NDFIP2: variants seen among roughly 807,000 people sequenced by gnomAD.
NDFIP2 encodes NEDD4 family-interacting protein 2.
Under a neutral mutation model 36.0 loss-of-function variants are expected in NDFIP2, and 19 were observed. That is an observed-to-expected ratio of 0.53 (90% CI 0.37 to 0.77). NDFIP2 has a LOEUF of 0.77. Among genes scored for constraint, NDFIP2 ranks in the 30% least tolerant of loss-of-function variants. The pLI, the probability that NDFIP2 is intolerant of heterozygous loss-of-function variation, is 0.00. For missense variants in NDFIP2, 446 were observed against 435.8 expected, an observed-to-expected ratio of 1.02 and a Z score of -0.21; for synonymous variants, 181 against 167.7, an observed-to-expected ratio of 1.08 and a Z score of -0.61.
At chr13:79,520,119 T>C (rs1874510882) in intron 1 of NDFIP2, among the ~76,000 whole-genome samples, 1 of 152,180 alleles carries the variant, frequency 6.6e-6, no homozygotes, top group African/African-American at 2.4e-5. Context: ...ATAATTTTTT[T>C]TGTACTTGGG....
chr13:79,527,836 G>T (rs1242483629), intron 2 of NDFIP2, among the ~76,000 whole-genome samples: 1 of 152,166 alleles, frequency 6.6e-6, no homozygotes, highest in Non-Finnish European at 1.5e-5. Context: ...TATCATAGGA[G>T]ATGACAGCTC....
intron 4 of NDFIP2, among the ~76,000 whole-genome samples, chr13:79,543,157 A>C (rs1423333051): frequency 6.6e-6 from 1 of 152,204 alleles, no homozygotes; most frequent in Non-Finnish European, 1.5e-5. Context: ...GATTACAGGC[A>C]TGAGCCACTG....
intron 2 of NDFIP2, among the ~76,000 whole-genome samples, chr13:79,532,775 G>A (rs769450298): frequency 7.2e-4 from 109 of 152,256 alleles, no homozygotes; most frequent in Non-Finnish European, 1.2e-3. Flanking sequence ...TGTTATCGGA[G>A]CAAAGTATTT....
intron 2 of NDFIP2, among the ~76,000 whole-genome samples, chr13:79,529,137 A>G (rs1173555439): frequency 6.6e-6 from 1 of 152,210 alleles, no homozygotes; most frequent in African/African-American, 2.4e-5. Flanking sequence ...GTGGAGCTTC[A>G]TAGTGTTTAA....
At chr13:79,548,838 A>G (rs2137118406) in intron 6 of NDFIP2, among the ~76,000 whole-genome samples, 1 of 152,166 alleles carries the variant, frequency 6.6e-6, no homozygotes, top group East Asian at 1.9e-4. Flanking sequence ...AGGCATAAGG[A>G]AAGGCTTTAT....
intron 3 of NDFIP2, among the ~76,000 whole-genome samples, chr13:79,539,067 CAT>C (rs35285067): frequency 0.29 from 44,410 of 152,026 alleles, 7,774 homozygotes; most frequent in Non-Finnish European, 0.4. Context: ...ACCTGGAAGA[CAT>C]GTAGAAACAT....
intron 1 of NDFIP2, among the ~76,000 whole-genome samples, chr13:79,484,555 A>G (rs969043571): frequency 2.0e-5 from 3 of 152,212 alleles, no homozygotes; most frequent in Admixed American, 6.5e-5. Flanking sequence ...TCTTTAACCT[A>G]GCTCTTCCTA....
intron 1 of NDFIP2, chr13:79,519,058 C>T (rs1046495304): frequency 1.3e-5 from 2 of 152,262 alleles, no homozygotes; most frequent in African/African-American, 2.4e-5. Flanking sequence ...CCGCTTCCCT[C>T]AGCCTCCCAA....
intron 4 of NDFIP2, 68 bp from the exon 5 acceptor site, chr13:79,543,490 A>AT: frequency 6.4e-7 from 1 of 1,569,962 alleles, no homozygotes; most frequent in South Asian, 1.1e-5. Context: ...ATGAAATATT[A>AT]TTAATATGTC....
In NDFIP2 at chr13:79,523,007, CCTT is replaced by C. The variant is rs1443886592; in HGVS notation, c.487+2035_487+2037del. 5.3e-5 allele frequency among the ~76,000 whole-genome samples: 8 copies of C among 152,220 alleles called. No individual in the cohort carries two copies. The East Asian group carries it at 1.5e-3, about 29-fold the overall frequency. The stretch of plus-strand genomic sequence containing the variant: ...ACTTACCCTTCCCCGTAGCACCAAA[CCTT>C]CTCCTTCTACAGTCTCTCCTATTTC... On this transcript the variant is annotated intron_variant, in intron 2 of 7. Transcript: ENST00000218652.
At chr13:79,509,772 A>G (rs1874012139) in intron 1 of NDFIP2, among the ~76,000 whole-genome samples, 1 of 152,106 alleles carries the variant, frequency 6.6e-6, no homozygotes, top group Admixed American at 6.6e-5. Context: ...CTGAGTAGCA[A>G]GGAGAGCTGT....
In NDFIP2 at chr13:79,554,973, C is replaced by T. The variant is rs147451134; in HGVS notation, c.*2460C>T. 51 of 151,906 alleles carry T rather than the reference C, an allele frequency of 3.4e-4. No individual in the cohort carries two copies. The highest frequency in any genetic ancestry group is 1.2e-3 in the African/African-American group (50 of 41,496). 9.4% of individuals were successfully genotyped at this position (151,906 alleles called of 1,614,324 possible). A position where few individuals can be genotyped will look rare whatever the true frequency, so the allele number is the denominator to read the frequency against. ...ACTTTTCTATATAGTGTATGCAGGA[C>T]AGATTTTAGAAACTTAGATTAAAAT... On this transcript the variant is annotated 3_prime_UTR_variant, in exon 8 of 8. Transcript: ENST00000218652.
chr13:79,517,205 C>A lies in NDFIP2; in HGVS notation c.322-3605C>A, dbSNP rs1299409321. Among the ~76,000 whole-genome samples, 5 of 152,128 alleles carry A rather than the reference C, an allele frequency of 3.3e-5. No individual in the cohort carries two copies. In the East Asian group the frequency reaches 9.7e-4, roughly 29 times the overall value. ...TTTTGTTTTCATGTGCTATATTGCCCACAGTTTTTCAGGAGGCTCATAAGT... is the reference window on the plus strand; with the variant it reads ...TTTTGTTTTCATGTGCTATATTGCCAACAGTTTTTCAGGAGGCTCATAAGT... On this transcript the variant is annotated intron_variant, in intron 1 of 7. Coordinates refer to ENST00000218652, the MANE Select transcript of NDFIP2 (RefSeq NM_019080.3).
At chr13:79,523,293 T>G (rs1315887310) in intron 2 of NDFIP2, among the ~76,000 whole-genome samples, 1 of 152,232 alleles carries the variant, frequency 6.6e-6, no homozygotes, top group Non-Finnish European at 1.5e-5. Flanking sequence ...TGATCTTGGC[T>G]CACTGCAACC....
At chr13:79,535,943 T>A (rs1417558734) in intron 3 of NDFIP2, among the ~76,000 whole-genome samples, 1 of 152,238 alleles carries the variant, frequency 6.6e-6, no homozygotes, top group African/African-American at 2.4e-5. Flanking sequence ...TCTCATCAAA[T>A]TAGCATTTGA....
chr13:79,551,696 G>C (rs977866225), intron 7 of NDFIP2, among the ~76,000 whole-genome samples: 5 of 151,444 alleles, frequency 3.3e-5, no homozygotes, highest in African/African-American at 1.2e-4. Context: ...GAATAAGTAG[G>C]AATATGAAGA....
rs149937970 is a variant in NDFIP2 at position 79,548,300 on chromosome 13, G to A, written c.841-28G>A. ...TTTTCAAATTCAGGTGTATGAATTC[G>A]GTTAATATATTTATGTTCACTCCAT... On this transcript the variant is annotated intron_variant, in intron 5 of 7. Transcript: ENST00000218652. 347 of 1,442,654 alleles carry A rather than the reference G, an allele frequency of 2.4e-4. 4 individuals carry two copies. The East Asian group carries it at 7.6e-3, about 32-fold the overall frequency. The allele number at this position is 1,442,654 out of a possible 1,614,324, so 89.4% of individuals were successfully genotyped here.
chr13:79,539,216 G>A (rs1340853049), intron 3 of NDFIP2, among the ~76,000 whole-genome samples: 1 of 152,170 alleles, frequency 6.6e-6, no homozygotes, highest in Non-Finnish European at 1.5e-5. Context: ...GGGAATATGT[G>A]TGTGTGTGTA....
At chr13:79,509,637 G>A (rs558124920) in intron 1 of NDFIP2, among the ~76,000 whole-genome samples, 3 of 151,908 alleles carry the variant, frequency 2.0e-5, no homozygotes, top group South Asian at 4.2e-4. Flanking sequence ...TTGTATTGGC[G>A]TTCTCTAGAG....
Sources: gnomAD v4.1 joint callset for allele counts (sites outside exome capture counted in the v4.1 genomes callset) on GRCh38, gnomAD v4.1.1 for gene constraint, MANE v1.5 for transcripts, NCBI Gene and HGNC (gene_info 2026-07-23, HGNC 2026-07-21) for gene names.